Variants in PTPRZ1 observed in about 807,000 individuals in gnomAD.
PTPRZ1 encodes receptor-type tyrosine-protein phosphatase zeta.
Under a neutral mutation model 214.1 loss-of-function variants are expected in PTPRZ1, and 82 were observed. That is an observed-to-expected ratio of 0.38 (90% CI 0.32 to 0.46). The LOEUF is 0.46. PTPRZ1 is among the 20% of genes least tolerant of loss of function. The pLI, the probability that PTPRZ1 is intolerant of heterozygous loss-of-function variation, is 1.00. For missense variants in PTPRZ1, 2,603 were observed against 2,748.7 expected (o/e 0.95, Z 1.19); for synonymous variants, 945 against 987.9 (o/e 0.96, Z 0.81).
chr7:121,980,638 G>A (rs1178445027), intron 6 of PTPRZ1, among the ~76,000 whole-genome samples: 2 of 152,236 alleles, frequency 1.3e-5, no homozygotes, highest in African/African-American at 2.4e-5. Context: ...GACTGAAGCA[G>A]TTGTCTGTAA....
At chr7:121,964,963 C>T (rs1274698464) in intron 2 of PTPRZ1, among the ~76,000 whole-genome samples, 1 of 152,254 alleles carries the variant, frequency 6.6e-6, no homozygotes, top group East Asian at 1.9e-4. Context: ...TGAGCGGGGA[C>T]ATCATATAGG....
intron 2 of PTPRZ1, among the ~76,000 whole-genome samples, chr7:121,948,554 G>A (rs187500292): frequency 6.6e-6 from 1 of 152,282 alleles, no homozygotes; most frequent in East Asian, 1.9e-4. Context: ...TTCATCTGAG[G>A]TATGAAGAAA....
At chr7:122,060,011 C>A in intron 29 of PTPRZ1, 123 bp downstream of exon 29, 1 of 965,400 alleles carries the variant, frequency 1.0e-6, no homozygotes, top group Non-Finnish European at 1.5e-6. Flanking sequence ...ATGTAGTTTT[C>A]AAGCTGAATT....
rs1794792482 is a variant in PTPRZ1, at chr7:121,896,649, T to C, written c.58+23092T>C. ...TTAGCCGGGTGTGGTGGTGGGTGCC[T>C]GTAGTCCCAACTACTGGGGAGGCTG... is the stretch of plus-strand genomic sequence containing the variant. On this transcript the variant is annotated intron_variant, in intron 1 of 29. Coordinates refer to ENST00000393386, the MANE Select transcript of PTPRZ1 (RefSeq NM_002851.3). Among the ~76,000 whole-genome samples, 3 of 152,044 alleles carry C rather than the reference T, an allele frequency of 2.0e-5. No individual in the cohort carries two copies. In the South Asian group the frequency reaches 6.2e-4, roughly 32 times the overall value.
In PTPRZ1 at chr7:122,012,872, A is replaced by G; in HGVS notation, c.3826A>G (p.Ser1276Gly). 2 of 1,614,190 alleles carry G rather than the reference A, an allele frequency of 1.2e-6. No homozygotes were observed. Among genetic ancestry groups the G allele is most frequent in the Non-Finnish European group, 1.7e-6 (2 of 1,180,016 alleles). Residue 1276 changes from serine to glycine, a missense_variant, in exon 12 of 30, where the codon AGT becomes GGT. By Grantham distance (56) the Ser-to-Gly change is moderately conservative. Around this residue, in one of 6 missense-constraint regions of PTPRZ1, gnomAD observed 1,913 missense variants for 1,914.3 expected, o/e 1.00. Transcript: ENST00000393386. ...SEKYEPVLLK[S>G]ESSHQVVPSL... Reference sequence around the variant, plus strand: ...GAAATATGAACCAGTTTTGTTAAAAAGTGAAAGTTCCCACCAAGTGGTACC... The same window carrying G: ...GAAATATGAACCAGTTTTGTTAAAAGGTGAAAGTTCCCACCAAGTGGTACC...
At chr7:121,906,549 T>A (rs945150291) in intron 1 of PTPRZ1, among the ~76,000 whole-genome samples, 2 of 152,208 alleles carry the variant, frequency 1.3e-5, no homozygotes, top group African/African-American at 4.8e-5. Flanking sequence ...GCAATTAAGC[T>A]TCATAAGAAA....
chr7:121,999,832 C>T (rs1277202725), intron 10 of PTPRZ1, among the ~76,000 whole-genome samples: 1 of 152,014 alleles, frequency 6.6e-6, no homozygotes, highest in Non-Finnish European at 1.5e-5. Flanking sequence ...TATATTGGCA[C>T]AAAGTATAAT....
chr7:121,902,444 T>C (rs1415896773), intron 1 of PTPRZ1, among the ~76,000 whole-genome samples: 1 of 152,166 alleles, frequency 6.6e-6, no homozygotes, highest in Non-Finnish European at 1.5e-5. Flanking sequence ...TCATGCTTTC[T>C]TCCAAAATGG....
chr7:122,028,305 C>T (rs1799266756), intron 13 of PTPRZ1: 1 of 335,300 alleles, frequency 3.0e-6, no homozygotes, highest in Non-Finnish European at 5.5e-6. Context: ...CAAATTCTGT[C>T]TGTGCTTTTA....
chr7:121,913,776 T>A (rs1257783203), intron 1 of PTPRZ1, among the ~76,000 whole-genome samples: 3 of 152,160 alleles, frequency 2.0e-5, no homozygotes, highest in Admixed American at 2.0e-4. Context: ...TAAAATAGAA[T>A]AAGATTGAGT....
chr7:121,888,827 A>G (rs1794487175), intron 1 of PTPRZ1, among the ~76,000 whole-genome samples: 1 of 152,152 alleles, frequency 6.6e-6, no homozygotes, highest in South Asian at 2.1e-4. Context: ...TGAAATAGTG[A>G]TGTTTGATAG....
rs770617480 is a variant in PTPRZ1, at chr7:122,012,045, C to G, written c.2999C>G (p.Ser1000Cys). The change falls in exon 12 of 30, where the codon TCT (serine) becomes TGT (cysteine). Residue 1000 changes from serine to cysteine, a missense_variant. By Grantham distance (112) the Ser-to-Cys change is moderately radical. This residue lies in a region of PTPRZ1 where 1,913 missense variants were observed against 1,914.3 expected (regional missense o/e 1.00). Coordinates refer to ENST00000393386, the MANE Select transcript of PTPRZ1 (RefSeq NM_002851.3). The part of the protein sequence containing the change: ...LSGDGEWSGA[S>C]SDSEFLLPDT... ...GGTGATGGGGAATGGTCTGGAGCCT[C>G]TTCTGATAGTGAATTTCTTTTACCT... 6.2e-7 allele frequency: 1 copy of G among 1,614,234 alleles called. No individual in the cohort carries two copies. Among genetic ancestry groups the G allele is most frequent in the Non-Finnish European group, 8.5e-7 (1 of 1,180,042 alleles).
intron 6 of PTPRZ1, among the ~76,000 whole-genome samples, chr7:121,981,203 A>T (rs909463274): frequency 3.3e-5 from 5 of 151,840 alleles, no homozygotes; most frequent in African/African-American, 1.2e-4. Context: ...TTTACTTGGG[A>T]TTTTCTACAC....
intron 2 of PTPRZ1, among the ~76,000 whole-genome samples, chr7:121,958,489 C>T (rs1796778182): frequency 6.6e-6 from 1 of 152,168 alleles, no homozygotes; most frequent in Admixed American, 6.5e-5. Context: ...ATCACTGATC[C>T]TCTTCTTGCT....
Position 122,011,474 on chromosome 7 carries a change from A to G in PTPRZ1, c.2428A>G (p.Ile810Val). 1 of 1,613,892 alleles carries G rather than the reference A, an allele frequency of 6.2e-7. No individual in the cohort carries two copies. The highest frequency in any genetic ancestry group is 8.5e-7 in the Non-Finnish European group (1 of 1,179,950). Residue 810 changes from isoleucine to valine, a missense_variant, in exon 12 of 30, where the codon ATC becomes GTC. Around this residue, in one of 6 missense-constraint regions of PTPRZ1, gnomAD observed 1,913 missense variants for 1,914.3 expected, o/e 1.00. Coordinates refer to ENST00000393386, the MANE Select transcript of PTPRZ1 (RefSeq NM_002851.3). Reference sequence around the variant, plus strand: ...CAGTGTCGATGTGTCATTTGAATCCATCCTGTCTTCCTATGATGGTGCACC... The same window carrying G: ...CAGTGTCGATGTGTCATTTGAATCCGTCCTGTCTTCCTATGATGGTGCACC... ...FPSVDVSFES[I>V]LSSYDGAPLL...
At chr7:121,969,018 A>G (rs1797132025) in intron 3 of PTPRZ1, among the ~76,000 whole-genome samples, 1 of 152,050 alleles carries the variant, frequency 6.6e-6, no homozygotes, top group Non-Finnish European at 1.5e-5. Context: ...TGGCTGGATC[A>G]CTTGAGGTCA....
At chr7:122,002,126 A>G (rs1381263095) in intron 10 of PTPRZ1, among the ~76,000 whole-genome samples, 1 of 152,222 alleles carries the variant, frequency 6.6e-6, no homozygotes, top group African/African-American at 2.4e-5. Context: ...CAAAATCTTT[A>G]GGAAGATAGA....
intron 21 of PTPRZ1, 75 bp from the exon 22 acceptor site, chr7:122,042,533 A>G: frequency 7.1e-7 from 1 of 1,403,524 alleles, no homozygotes; most frequent in African/African-American, 1.4e-5. Context: ...TCAACATGAC[A>G]ACCAGTAGTG....
intron 27 of PTPRZ1, among the ~76,000 whole-genome samples, chr7:122,056,940 C>G (rs144315808): frequency 4.6e-5 from 7 of 152,040 alleles, no homozygotes; most frequent in African/African-American, 9.6e-5. Flanking sequence ...TCAGATTTAT[C>G]TATGTATTTG....
Sources: allele counts gnomAD v4.1 joint callset (sites outside exome capture counted in the v4.1 genomes callset), GRCh38; gene constraint gnomAD v4.1.1; regional missense constraint gnomAD v4.1.1; transcripts MANE v1.5; gene names NCBI Gene and HGNC (gene_info 2026-07-23, HGNC 2026-07-21).